Variants in PLXDC2 observed in about 807,000 individuals in gnomAD.
PLXDC2 encodes the protein plexin domain containing 2, also known as plexin domain-containing protein 2.
PLXDC2 carries 40 observed loss-of-function variants against 68.9 expected under a neutral mutation model. The observed-to-expected ratio is 0.58, with a 90% CI of 0.45 to 0.76. The LOEUF is 0.76. Ranked by LOEUF, PLXDC2 falls within the 30% of genes least tolerant of loss-of-function variation. The probability of loss-of-function intolerance (pLI) is 0.00; values close to 1 mark genes in which losing one functional copy is unlikely to be tolerated. For missense variants in PLXDC2, 644 were observed against 661.9 expected, an observed-to-expected ratio of 0.97 and a Z score of 0.30; for synonymous variants, 243 against 234.2, an observed-to-expected ratio of 1.04 and a Z score of -0.34.
At chr10:20,040,847 G>A (rs1835670288) in intron 2 of PLXDC2, among the ~76,000 whole-genome samples, 1 of 152,190 alleles carries the variant, frequency 6.6e-6, no homozygotes, top group Admixed American at 6.6e-5. Context: ...AAGGCCACTA[G>A]TTGTAGACTA....
At chr10:19,872,779 A>G (rs1396634314) in intron 1 of PLXDC2, among the ~76,000 whole-genome samples, 2 of 152,058 alleles carry the variant, frequency 1.3e-5, no homozygotes, top group East Asian at 1.9e-4. Flanking sequence ...AAAGAGGGCT[A>G]TGATCATGGG....
At chr10:20,274,672 C>G (rs374346553) in intron 13 of PLXDC2, among the ~76,000 whole-genome samples, 2 of 152,052 alleles carry the variant, frequency 1.3e-5, no homozygotes, top group East Asian at 3.9e-4. Flanking sequence ...ACCAGAAGAC[C>G]AACAGATCAA....
At chr10:19,837,060 A>G (rs892694483) in intron 1 of PLXDC2, among the ~76,000 whole-genome samples, 1 of 152,046 alleles carries the variant, frequency 6.6e-6, no homozygotes, top group Admixed American at 6.6e-5. Flanking sequence ...TATAAAAGAG[A>G]CATTATTTAT....
At chr10:20,222,287 A>G (rs1835222724) in intron 12 of PLXDC2, among the ~76,000 whole-genome samples, 1 of 152,164 alleles carries the variant, frequency 6.6e-6, no homozygotes, top group Admixed American at 6.5e-5. Flanking sequence ...TGCTGACATG[A>G]TTATACATTC....
intron 1 of PLXDC2, among the ~76,000 whole-genome samples, chr10:19,843,086 A>G (rs1836938237): frequency 6.6e-6 from 1 of 151,492 alleles, no homozygotes; most frequent in African/African-American, 2.4e-5. Flanking sequence ...AATTTACCGG[A>G]CCCCTAATGT....
intron 1 of PLXDC2, among the ~76,000 whole-genome samples, chr10:19,833,008 T>A (rs1218218746): frequency 2.6e-5 from 4 of 152,174 alleles, no homozygotes; most frequent in Non-Finnish European, 4.4e-5. Context: ...TCTCTAGTCA[T>A]AATAACTGTT....
At chr10:20,144,244 A>G (rs566594643) in intron 5 of PLXDC2, among the ~76,000 whole-genome samples, 72 of 152,292 alleles carry the variant, frequency 4.7e-4, no homozygotes, top group Middle Eastern at 6.8e-3. Context: ...TGCAAATAAT[A>G]CAAGCATTTG....
chr10:20,182,163 G>A (rs1834614625), intron 9 of PLXDC2, among the ~76,000 whole-genome samples: 1 of 150,342 alleles, frequency 6.7e-6, no homozygotes, highest in African/African-American at 2.5e-5. Flanking sequence ...AATGTATGAG[G>A]CAGCTTTAAA....
intron 12 of PLXDC2, among the ~76,000 whole-genome samples, chr10:20,242,858 C>T (rs1043894977): frequency 3.3e-5 from 5 of 152,070 alleles, no homozygotes; most frequent in East Asian, 1.9e-4. Flanking sequence ...TATAGGCGCC[C>T]GCCACCAAGC....
rs866225564 is a variant in PLXDC2 at position 20,149,196 on chromosome 10, C to G, written c.783+1294C>G. 4.6e-5 allele frequency among the ~76,000 whole-genome samples: 6 copies of G among 131,032 alleles called. No individual in the cohort carries two copies. The South Asian group carries it at 1.5e-3, about 34-fold the overall frequency. 86.0% of individuals were successfully genotyped at this position (131,032 alleles called of 152,430 possible). On this transcript the variant is annotated intron_variant, in intron 6 of 13. Transcript: ENST00000377252. The stretch of plus-strand genomic sequence containing the variant: ...TCGCCCAGGTACTAAGCCTTGGATT[C>G]AATAGTTATTTTTCTTTCTTTTTTT...
intron 1 of PLXDC2, among the ~76,000 whole-genome samples, chr10:19,857,941 T>C (rs998421064): frequency 2.6e-5 from 4 of 152,234 alleles, no homozygotes; most frequent in African/African-American, 9.6e-5. Flanking sequence ...TAAATATATT[T>C]GTTGGGAGAC....
At chr10:20,041,469 A>G (rs1835680590) in intron 2 of PLXDC2, among the ~76,000 whole-genome samples, 1 of 152,220 alleles carries the variant, frequency 6.6e-6, no homozygotes, top group South Asian at 2.1e-4. Flanking sequence ...TGTTTAATCT[A>G]TTGAAAACCT....
chr10:20,219,687 CTA>C (rs1412631826), intron 12 of PLXDC2, among the ~76,000 whole-genome samples: 1 of 151,982 alleles, frequency 6.6e-6, no homozygotes, highest in Non-Finnish European at 1.5e-5. Flanking sequence ...ACGATATTGG[CTA>C]TGTTTTTAGA....
At chr10:20,106,221 TC>T (rs1478680346) in intron 4 of PLXDC2, among the ~76,000 whole-genome samples, 1 of 152,184 alleles carries the variant, frequency 6.6e-6, no homozygotes, top group Non-Finnish European at 1.5e-5. Flanking sequence ...AAGTTTAAAA[TC>T]AGGCCACATA....
At chr10:19,966,243 G>T (rs921535566) in intron 1 of PLXDC2, among the ~76,000 whole-genome samples, 1 of 147,146 alleles carries the variant, frequency 6.8e-6, no homozygotes, top group African/African-American at 2.5e-5. Context: ...CTTAAAATTA[G>T]ATATGTGTAT....
At chr10:20,206,211 C>T (rs1192172970) in intron 9 of PLXDC2, among the ~76,000 whole-genome samples, 2 of 152,002 alleles carry the variant, frequency 1.3e-5, no homozygotes, top group Non-Finnish European at 1.5e-5. Context: ...TATCTAAGAT[C>T]ACACACCTTT....
At chr10:20,163,455 C>T (rs1834333445) in intron 6 of PLXDC2, among the ~76,000 whole-genome samples, 1 of 151,936 alleles carries the variant, frequency 6.6e-6, no homozygotes. Flanking sequence ...TATATTCTCT[C>T]CAACTTATTC....
chr10:20,127,831 AAAGG>A (rs1476014339), intron 4 of PLXDC2, among the ~76,000 whole-genome samples: 1 of 152,158 alleles, frequency 6.6e-6, no homozygotes, highest in Non-Finnish European at 1.5e-5. Context: ...CTCTTAAACA[AAAGG>A]AAGGGAAAAA....
At chr10:19,992,611 CTACTAGACAGT>C (rs1379367917) in intron 1 of PLXDC2, among the ~76,000 whole-genome samples, 2 of 151,990 alleles carry the variant, frequency 1.3e-5, no homozygotes, top group Non-Finnish European at 2.9e-5. Flanking sequence ...TTTTAAATTC[CTACTAGACAGT>C]TAGTAGAAAA....
Sources: allele counts gnomAD v4.1 joint callset (sites outside exome capture counted in the v4.1 genomes callset), GRCh38; gene constraint gnomAD v4.1.1; transcripts MANE v1.5; gene names NCBI Gene and HGNC (gene_info 2026-07-23, HGNC 2026-07-21).